The following LACRT variants were observed in gnomAD, a reference collection of about 807,000 sequenced individuals.
LACRT encodes lacritin.
LACRT carries 14 observed loss-of-function variants against 14.5 expected under a neutral mutation model. The ratio of observed to expected loss-of-function variants is 0.96; its 90% confidence interval spans 0.64 to 1.51. The LOEUF (loss-of-function observed/expected upper bound fraction) is 1.51. LACRT is among the 40% of genes most tolerant of loss of function. The probability of loss-of-function intolerance (pLI) is 0.00; values close to 1 mark genes in which losing one functional copy is unlikely to be tolerated. For missense variants in LACRT, 156 were observed against 161.8 expected (o/e 0.96, Z 0.19); for synonymous variants, 70 against 63.5 (o/e 1.10, Z -0.48).
chr12:54,630,926 A>G lies in LACRT; in HGVS notation c.383T>C (p.Leu128Pro), dbSNP rs769986805. ...TGGTTTTAATAGACTGAATTTCTTC[A>G]GTAATTTTTGTGCAAATTCACTTCC... ...ENGSEFAQKL[L>P]KKFSLLKPWA The change falls in exon 5 of 5, where the codon CTG becomes CCG. Residue 128 changes from leucine to proline, a missense_variant. Transcript: ENST00000257867. 6.2e-6 allele frequency: 10 copies of G among 1,612,530 alleles called. No homozygotes were observed. Among genetic ancestry groups the G allele is most frequent in the Non-Finnish European group, 8.5e-6 (10 of 1,178,888 alleles).
At chr12:54,634,707 GA>G in intron 1 of LACRT, 76 bp downstream of exon 1, 2 of 1,291,936 alleles carry the variant, frequency 1.5e-6, no homozygotes, top group Non-Finnish European at 1.1e-6. Flanking sequence ...GAGAGGAGGA[GA>G]GGGGTGAAGG....
intron 1 of LACRT, 83 bp downstream of exon 1, chr12:54,634,701 G>T: frequency 8.0e-7 from 1 of 1,250,802 alleles, no homozygotes; most frequent in African/African-American, 1.5e-5. Context: ...CACTGAGAGA[G>T]GAGGAGAGGG....
At position 54,631,756 on chromosome 12, in the gene LACRT, CA is replaced by C. The variant is rs1470294365; in HGVS notation, c.336del (p.Gly113GlufsTer16). ...CACTCACTTTCGATGAATTGTTTTCCACCTGGCACGCCTCCGTGCATTCCTT... is the reference window on the plus strand; with the variant it reads ...CACTCACTTTCGATGAATTGTTTTCCCCTGGCACGCCTCCGTGCATTCCTT... ...AGKGMHGGVP[G>X]GKQFIENGSE... On this transcript the variant is annotated frameshift_variant, in exon 4 of 5. Coordinates refer to ENST00000257867, the MANE Select transcript of LACRT (RefSeq NM_033277.2). LOFTEE classifies it low-confidence loss of function (END_TRUNC). 6.2e-7 allele frequency: 1 copy of C among 1,613,688 alleles called. No individual in the cohort carries two copies. Among genetic ancestry groups the C allele is most frequent in the South Asian group, 1.1e-5 (1 of 91,078 alleles).
chr12:54,633,416 T>G (rs1458007707), intron 1 of LACRT, among the ~76,000 whole-genome samples, 183 bp from the exon 2 acceptor site: 1 of 152,178 alleles, frequency 6.6e-6, no homozygotes, highest in Non-Finnish European at 1.5e-5. Context: ...CACTCTCTGA[T>G]GTTTAACTCC....
chr12:54,632,077 C>T (rs969241525), intron 3 of LACRT, 164 bp downstream of exon 3: 8 of 766,002 alleles, frequency 1.0e-5, no homozygotes, highest in Admixed American at 2.7e-5. Flanking sequence ...ATTGTGAAAA[C>T]GTTGTGTGTG....
chr12:54,634,104 AC>A (rs910041268), intron 1 of LACRT, among the ~76,000 whole-genome samples: 10 of 152,030 alleles, frequency 6.6e-5, no homozygotes, highest in African/African-American at 2.4e-4. Context: ...TGTAATTCCA[AC>A]ACTTTGGGAG....
intron 2 of LACRT, 102 bp downstream of exon 2, chr12:54,633,078 C>G: frequency 8.9e-7 from 1 of 1,118,676 alleles, no homozygotes; most frequent in Non-Finnish European, 1.4e-6. Context: ...AGCACAGAAT[C>G]CAGATCTCCT....
chr12:54,631,786 C>T lies in LACRT; in HGVS notation c.307G>A (p.Gly103Arg). The T allele has an allele frequency of 1.2e-6, 2 of 1,614,168 alleles. No homozygotes were observed. The highest frequency in any genetic ancestry group is 1.7e-6 in the Non-Finnish European group (2 of 1,179,984). ...LLTEQALAKA[G>R]KGMHGGVPGG... Reference sequence around the variant, plus strand: ...GGCACGCCTCCGTGCATTCCTTTTCCTGCTTTTGCAAGGGCTTGTTCTGTT... The same window carrying T: ...GGCACGCCTCCGTGCATTCCTTTTCTTGCTTTTGCAAGGGCTTGTTCTGTT... The change falls in exon 4 of 5, where the codon GGA becomes AGA. Residue 103 changes from glycine (G) to arginine (R), a missense_variant. Physicochemically the swap from Gly to Arg is moderately radical, Grantham distance 125 (BLOSUM62 -2). Coordinates refer to ENST00000257867, the MANE Select transcript of LACRT (RefSeq NM_033277.2).
At chr12:54,631,042 T>C in intron 4 of LACRT, 89 bp from the exon 5 acceptor site, 1 of 825,170 alleles carries the variant, frequency 1.2e-6, no homozygotes, top group Non-Finnish European at 2.0e-6. Flanking sequence ...ATCTCTGCTT[T>C]CCAGACTTAC....
rs1001599399 is a variant in LACRT at position 54,633,052 on chromosome 12, C to T, written c.112+128G>A. 2.0e-5 allele frequency: 18 copies of T among 899,004 alleles called. No homozygotes were observed. In the African/African-American group the frequency reaches 2.6e-4, roughly 13 times the overall value. The allele number at this position is 899,004 out of a possible 1,614,324, so 55.7% of individuals were successfully genotyped here. A position where few individuals can be genotyped will look rare whatever the true frequency, so the allele number is the denominator to read the frequency against. On this transcript the variant is annotated intron_variant, in intron 2 of 4. Transcript: ENST00000257867. Reference sequence around the variant, plus strand: ...ACCTTCTTTATTATATTACCTGCCCCTCCCCATTACCACCAAGCACAGAAT... The same window carrying T: ...ACCTTCTTTATTATATTACCTGCCCTTCCCCATTACCACCAAGCACAGAAT...
Position 54,633,807 on chromosome 12 carries a change from G to A in LACRT, c.59-574C>T, listed in dbSNP as rs79518783. ...TGGTGTGACAGTGCTGGAAGGGAACGTGCAGCCTGGTGCGAGAAGGGCACA... is the reference window on the plus strand; with the variant it reads ...TGGTGTGACAGTGCTGGAAGGGAACATGCAGCCTGGTGCGAGAAGGGCACA... On this transcript the variant is annotated intron_variant, in intron 1 of 4. Transcript: ENST00000257867. 2.9e-3 allele frequency among the ~76,000 whole-genome samples: 446 copies of A among 152,274 alleles called. 1 individual carries two copies. Among genetic ancestry groups the A allele is most frequent in the South Asian group, 0.023 (109 of 4,824 alleles).
chr12:54,633,314 G>A, intron 1 of LACRT, 81 bp from the exon 2 acceptor site: 1 of 1,228,818 alleles, frequency 8.1e-7, no homozygotes, highest in Non-Finnish European at 1.2e-6. Flanking sequence ...CATTCCCAAA[G>A]CTTATCTCCT....
intron 4 of LACRT, among the ~76,000 whole-genome samples, chr12:54,631,396 C>T (rs1214634671): frequency 1.3e-5 from 2 of 152,156 alleles, no homozygotes; most frequent in Admixed American, 6.5e-5. Flanking sequence ...TGTGCCACCA[C>T]GCCTGGCTAA....
chr12:54,630,911 A>C lies in LACRT; in HGVS notation c.398T>G (p.Leu133Arg). 1 of 1,611,200 alleles carries C rather than the reference A, an allele frequency of 6.2e-7. No individual in the cohort carries two copies. ...AGCTTCTCATGCCCATGGTTTTAAT[A>C]GACTGAATTTCTTCAGTAATTTTTG... ...FAQKLLKKFSLLKPWA is the reference protein window; with the variant it reads ...FAQKLLKKFSRLKPWA Residue 133 changes from leucine (L) to arginine (R), a missense_variant, in exon 5 of 5, where the codon CTA (leucine) becomes CGA (arginine). Transcript: ENST00000257867.
At chr12:54,633,848 C>G (rs1438480031) in intron 1 of LACRT, among the ~76,000 whole-genome samples, 5 of 152,098 alleles carry the variant, frequency 3.3e-5, no homozygotes, top group Non-Finnish European at 7.4e-5. Flanking sequence ...CTGATTTGTT[C>G]CGCATGTGCA....
At position 54,632,332 on chromosome 12, in the gene LACRT, T is replaced by C; in HGVS notation, c.162A>G (p.Pro54=). ...TCTCCTGGGCTGTTGTGGTTGTCTC[T>C]GGGGGTGAAGCTGGTTCTGCTGGAC... ...ISGPAEPASP[P]ETTTTAQETS... Residue 54 remains proline (P), a synonymous_variant, in exon 3 of 5, where the codon CCA becomes CCG. Coordinates refer to ENST00000257867, the MANE Select transcript of LACRT (RefSeq NM_033277.2). 1 of 1,614,126 alleles carries C rather than the reference T, an allele frequency of 6.2e-7. No homozygotes were observed. The highest frequency in any genetic ancestry group is 8.5e-7 in the Non-Finnish European group (1 of 1,179,996).
chr12:54,631,749 T>C lies in LACRT; in HGVS notation c.344A>G (p.Gln115Arg), dbSNP rs763748037. ...TGGGATGCACTCACTTTCGATGAAT[T>C]GTTTTCCACCTGGCACGCCTCCGTG... is the stretch of plus-strand genomic sequence containing the variant. ...GMHGGVPGGK[Q>R]FIENGSEFAQ... The change falls in exon 4 of 5, where the codon CAA becomes CGA. Residue 115 changes from glutamine to arginine, a missense_variant. Gln to Arg is a conservative substitution (Grantham distance 43, BLOSUM62 1). Transcript: ENST00000257867. 1 of 1,613,110 alleles carries C rather than the reference T, an allele frequency of 6.2e-7. No individual in the cohort carries two copies. The highest frequency in any genetic ancestry group is 1.1e-5 in the South Asian group (1 of 91,068).
intron 3 of LACRT, 57 bp from the exon 4 acceptor site, chr12:54,631,896 C>G: frequency 7.9e-7 from 1 of 1,259,950 alleles, no homozygotes; most frequent in Non-Finnish European, 1.2e-6. Context: ...TTAAAGAGAA[C>G]TCTGCATTGC....
chr12:54,632,663 G>A (rs1958160895), intron 2 of LACRT, among the ~76,000 whole-genome samples: 1 of 152,248 alleles, frequency 6.6e-6, no homozygotes, highest in South Asian at 2.1e-4. Flanking sequence ...TAGCAGGAGA[G>A]GATGTACCAA....
Sources: gnomAD v4.1 joint callset for allele counts (sites outside exome capture counted in the v4.1 genomes callset) on GRCh38, gnomAD v4.1.1 for gene constraint, MANE v1.5 for transcripts, NCBI Gene and HGNC (gene_info 2026-07-23, HGNC 2026-07-21) for gene names.